The following TRMT11 variants were observed in gnomAD, a reference collection of about 807,000 sequenced individuals.
The protein encoded by TRMT11 is tRNA methyltransferase 11, also known as tRNA (guanine(10)-N(2))-methyltransferase TRMT11.
TRMT11 carries 53 observed loss-of-function variants against 62.8 expected under a neutral mutation model. The observed-to-expected ratio is 0.84, with a 90% confidence interval of 0.68 to 1.06. TRMT11 has a LOEUF of 1.06. Among genes scored for constraint, TRMT11 ranks in the 50% least tolerant of loss-of-function variants. TRMT11 has a pLI of 0.00. For missense variants in TRMT11, 556 were observed against 553.4 expected (o/e 1.00, Z -0.05); for synonymous variants, 188 against 190.3 (o/e 0.99, Z 0.10).
chr6:126,239,099 G>A, the TRMT11 span, among the ~76,000 whole-genome samples: 430 of 152,174 alleles, frequency 2.8e-3, 5 homozygotes, highest in African/African-American at 9.7e-3. Flanking sequence ...TTGAGCCTAT[G>A]TGTGTCTCTG....
chr6:126,192,294 T>A (rs1778612378), intron 1 of TRMT11, among the ~76,000 whole-genome samples: 1 of 152,168 alleles, frequency 6.6e-6, no homozygotes, highest in African/African-American at 2.4e-5. Flanking sequence ...TGATTTCGTA[T>A]CTTGCAATTT....
chr6:126,231,328 A>G, the TRMT11 span, among the ~76,000 whole-genome samples: 1 of 152,322 alleles, frequency 6.6e-6, no homozygotes, highest in Non-Finnish European at 1.5e-5. Flanking sequence ...TTTTAAATAG[A>G]TATATTGGAA....
At chr6:126,106,702 T>A (rs1488428949) in intron 17 of TRMT11, among the ~76,000 whole-genome samples, 1 of 152,172 alleles carries the variant, frequency 6.6e-6, no homozygotes, top group Non-Finnish European at 1.5e-5. Context: ...ATAATAATTA[T>A]ACTTATTTCT....
intron 11 of TRMT11, among the ~76,000 whole-genome samples, chr6:126,015,705 T>C (rs1389146183): frequency 6.6e-6 from 1 of 152,216 alleles, no homozygotes; most frequent in Admixed American, 6.5e-5. Flanking sequence ...ATATTACCAA[T>C]TGCAATCCAT....
chr6:126,241,827 A>G, the TRMT11 span, among the ~76,000 whole-genome samples: 1 of 152,194 alleles, frequency 6.6e-6, no homozygotes, highest in African/African-American at 2.4e-5. Context: ...GGACAATATC[A>G]TACTGAATGG....
Position 126,008,438 on chromosome 6 carries a change from G to A in TRMT11, c.726G>A (p.Gly242=), listed in dbSNP as rs145576481. The change falls in exon 8 of 13, where the codon GGG becomes GGA. Residue 242 remains glycine (G), a synonymous_variant. Coordinates refer to ENST00000334379, the MANE Select transcript of TRMT11 (RefSeq NM_001031712.3). ...ACAHFGAYVY[G]TDIDYNTVHG... ...CTCATTTTGGTGCATATGTGTATGG[G>A]ACAGACATAGACTACAACACAGTTC... 1.7e-4 allele frequency: 281 copies of A among 1,613,072 alleles called. No individual in the cohort carries two copies. In the African/African-American group the frequency reaches 3.5e-3, roughly 20 times the overall value.
exon 17 of TRMT11, among the ~76,000 whole-genome samples, chr6:126,053,130 A>T (rs1776266428): frequency 6.6e-6 from 1 of 152,148 alleles, no homozygotes; most frequent in South Asian, 2.1e-4. Flanking sequence ...AAGGAATTAG[A>T]CATAGTCCTA....
chr6:126,255,600 T>C, the TRMT11 span, among the ~76,000 whole-genome samples: 38,537 of 152,076 alleles, frequency 0.25, 5,579 homozygotes, highest in East Asian at 0.53. Flanking sequence ...TAAATCTATC[T>C]TGAAACCCAG....
the TRMT11 span, among the ~76,000 whole-genome samples, chr6:126,254,875 T>TAA: frequency 6.6e-6 from 1 of 151,012 alleles, no homozygotes; most frequent in Non-Finnish European, 1.5e-5. Flanking sequence ...TCAAAAAACA[T>TAA]AAAAAAAAAC....
At chr6:126,055,130 A>G (rs1164888919) in intron 17 of TRMT11, among the ~76,000 whole-genome samples, 1 of 151,978 alleles carries the variant, frequency 6.6e-6, no homozygotes, top group Non-Finnish European at 1.5e-5. Flanking sequence ...TCACTCATCT[A>G]AGTTTTATAT....
chr6:126,146,390 C>T (rs769083073), intron 21 of TRMT11, among the ~76,000 whole-genome samples: 1 of 152,120 alleles, frequency 6.6e-6, no homozygotes, highest in Non-Finnish European at 1.5e-5. Flanking sequence ...CAGGATTAGG[C>T]GATGGATTCA....
chr6:126,238,698 GT>G, the TRMT11 span, among the ~76,000 whole-genome samples: 2 of 152,194 alleles, frequency 1.3e-5, no homozygotes, highest in Non-Finnish European at 2.9e-5. Flanking sequence ...CTGATTTGGG[GT>G]GGAGAGTTCT....
chr6:126,153,115 G>A (rs116364118), intron 21 of TRMT11, among the ~76,000 whole-genome samples: 317 of 152,174 alleles, frequency 2.1e-3, no homozygotes, highest in African/African-American at 7.0e-3. Flanking sequence ...AAATCTATGC[G>A]GTTGTTCAAT....
chr6:126,019,322 G>A (rs1365054924), intron 11 of TRMT11, among the ~76,000 whole-genome samples: 8 of 152,174 alleles, frequency 5.3e-5, no homozygotes, highest in Admixed American at 5.2e-4. Flanking sequence ...TATGAAACAT[G>A]CAAATATGTT....
Position 126,038,703 on chromosome 6 carries a change from A to G in TRMT11, c.1261-2A>G, listed in dbSNP as rs1446285874. ...TACATTTTGTATTTTCCAACCAAAC[A>G]GAATCGGGACCAGTATTCACATCTG... is the stretch of plus-strand genomic sequence containing the variant. On this transcript the variant is annotated splice_acceptor_variant, in intron 12 of 12. Coordinates refer to ENST00000334379, the MANE Select transcript of TRMT11 (RefSeq NM_001031712.3). LOFTEE classifies it high-confidence loss of function. 6.5e-7 allele frequency: 1 copy of G among 1,544,142 alleles called. No individual in the cohort carries two copies. Among genetic ancestry groups the G allele is most frequent in the Admixed American group, 2.2e-5 (1 of 44,898 alleles).
At chr6:126,114,246 T>A (rs1303690830) in intron 18 of TRMT11, among the ~76,000 whole-genome samples, 1 of 152,076 alleles carries the variant, frequency 6.6e-6, no homozygotes. Flanking sequence ...TGAAAGTTAT[T>A]GTTCTAGACA....
chr6:126,205,141 A>T (rs1778777439), downstream of TRMT11, among the ~76,000 whole-genome samples: 1 of 152,214 alleles, frequency 6.6e-6, no homozygotes, highest in South Asian at 2.1e-4. Context: ...AAGTGCATTT[A>T]TAGGGAGAGG....
At chr6:126,257,972 CA>C in the TRMT11 span, 1 of 1,563,482 alleles carries the variant, frequency 6.4e-7, no homozygotes, top group Non-Finnish European at 8.8e-7. Context: ...TCTTGTCCAG[CA>C]GGTCAGGGAT....
At chr6:126,010,324 A>G (rs921895576) in intron 8 of TRMT11, among the ~76,000 whole-genome samples, 1 of 151,802 alleles carries the variant, frequency 6.6e-6, no homozygotes, top group African/African-American at 2.4e-5. Context: ...TTCTCAGTCT[A>G]CTTGATGCCC....
Sources: gnomAD v4.1 joint callset for allele counts (sites outside exome capture counted in the v4.1 genomes callset) on GRCh38, gnomAD v4.1.1 for gene constraint, MANE v1.5 for transcripts, NCBI Gene and HGNC (gene_info 2026-07-23, HGNC 2026-07-21) for gene names.